The following OVCH2 variants were observed in gnomAD, a reference collection of about 807,000 sequenced individuals.
OVCH2 encodes the protein ovochymase-2.
OVCH2 carries 88 observed loss-of-function variants against 73.7 expected under a neutral mutation model. That is an observed-to-expected ratio of 1.19 (90% CI 1.01 to 1.43). The LOEUF is 1.43. OVCH2 is among the 40% of genes most tolerant of loss of function. The pLI is 0.00. For missense variants in OVCH2, 706 were observed against 674.5 expected (o/e 1.05, Z -0.52); for synonymous variants, 265 against 234.5 (o/e 1.13, Z -1.19).
At chr11:7,686,971 C>T (rs1284223811), downstream of OVCH2, among the ~76,000 whole-genome samples, 1 of 152,092 alleles carries the variant, frequency 6.6e-6, no homozygotes, top group Admixed American at 6.6e-5. Context: ...GCATCTGCTG[C>T]ACTCCTTAGA....
the OVCH2 span, among the ~76,000 whole-genome samples, chr11:7,684,223 G>A: frequency 6.6e-6 from 1 of 152,052 alleles, no homozygotes; most frequent in Non-Finnish European, 1.5e-5. Flanking sequence ...GAAGTTAGAA[G>A]TGGAGGTATG....
At position 7,698,924 on chromosome 11, in the gene OVCH2, G is replaced by A. The variant is rs888395646; in HGVS notation, c.902-151C>T. 6 of 701,522 alleles carry A rather than the reference G, an allele frequency of 8.6e-6. No individual in the cohort carries two copies. In the East Asian group the frequency reaches 8.7e-5, roughly 10 times the overall value. 43.5% of individuals were successfully genotyped at this position (701,522 alleles called of 1,614,324 possible). ...TGTGGAAAGAAGGGAAGGGATAAAT[G>A]GATAAAGTAGGAAAGGGCCTCTGGT... is the stretch of plus-strand genomic sequence containing the variant. On this transcript the variant is annotated intron_variant, in intron 7 of 15. Transcript: ENST00000533663.
rs1565171985 is a variant in OVCH2, at chr11:7,704,658, C to A, written c.105G>T (p.Gln35His). The stretch of plus-strand genomic sequence containing the variant: ...TCCAAGGCTGTACCTTAACCAGACT[C>A]TGCCCACAACTGGGAGCTGAGAAAA... The part of the protein sequence containing the change: ...LSLPKAPSCG[Q>H]SLVKVQPWNY... Residue 35 changes from glutamine to histidine, a missense_variant, in exon 2 of 16, where the codon CAG (glutamine) becomes CAT (histidine). By Grantham distance (24) the Gln-to-His change is conservative (BLOSUM62 0). Coordinates refer to ENST00000533663, the MANE Select transcript of OVCH2 (RefSeq NM_198185.7). 2 of 1,611,536 alleles carry A rather than the reference C, an allele frequency of 1.2e-6. No individual in the cohort carries two copies. Among genetic ancestry groups the A allele is most frequent in the African/African-American group, 2.7e-5 (2 of 74,820 alleles).
chr11:7,702,468 T>C (rs139736315), intron 3 of OVCH2, 139 bp from the exon 4 acceptor site: 13 of 697,876 alleles, frequency 1.9e-5, no homozygotes, highest in African/African-American at 1.8e-4. Context: ...AAAGTGAGAA[T>C]AATTCCAACA....
chr11:7,684,497 T>C (rs12278102), downstream of OVCH2, among the ~76,000 whole-genome samples: 9 of 105,442 alleles, frequency 8.5e-5, no homozygotes, highest in African/African-American at 3.8e-4. Context: ...TACACACACA[T>C]ACATACATAT....
chr11:7,679,465 G>A, the OVCH2 span, among the ~76,000 whole-genome samples: 2 of 152,132 alleles, frequency 1.3e-5, no homozygotes, highest in African/African-American at 4.8e-5. Flanking sequence ...GATTGGATTG[G>A]GGGGCAGTTT....
rs1250427332 is a variant in OVCH2, at chr11:7,703,750, T to G, written c.238A>C (p.Ser80Arg). The change falls in exon 3 of 16, where the codon AGC (serine) becomes CGC (arginine). Residue 80 changes from serine (S) to arginine (R), a missense_variant. Ser to Arg is a moderately radical substitution (Grantham distance 110, BLOSUM62 -1). Coordinates refer to ENST00000533663, the MANE Select transcript of OVCH2 (RefSeq NM_198185.7). ...ATCACCCACTGTGGTGAGACGATGCTTCCTCCACAAATATGCTTCTGCCTT... is the reference window on the plus strand; with the variant it reads ...ATCACCCACTGTGGTGAGACGATGCGTCCTCCACAAATATGCTTCTGCCTT... ...KQRQKHICGG[S>R]IVSPQWVITA... The G allele has an allele frequency of 6.2e-7, 1 of 1,611,000 alleles. No homozygotes were observed. The highest frequency in any genetic ancestry group is 1.1e-5 in the South Asian group (1 of 90,200).
At chr11:7,683,015 C>G in the OVCH2 span, among the ~76,000 whole-genome samples, 8 of 152,348 alleles carry the variant, frequency 5.3e-5, no homozygotes, top group East Asian at 1.3e-3. Flanking sequence ...TCAGTCAATG[C>G]TCCTCATTTC....
chr11:7,695,717 G>C lies in OVCH2; in HGVS notation c.1142-7C>G. ...CTTTCTCCACAAAATTTTCCTGCAGGATGAGAAAAAAGGATTCTTTGTTCA... is the reference window on the plus strand; with the variant it reads ...CTTTCTCCACAAAATTTTCCTGCAGCATGAGAAAAAAGGATTCTTTGTTCA... On this transcript the variant is annotated splice_region_variant and splice_polypyrimidine_tract_variant and intron_variant, in intron 10 of 15. Transcript: ENST00000533663. 2 of 1,589,678 alleles carry C rather than the reference G, an allele frequency of 1.3e-6. No individual in the cohort carries two copies. The highest frequency in any genetic ancestry group is 1.7e-6 in the Non-Finnish European group (2 of 1,174,490).
At chr11:7,702,382 G>C in intron 3 of OVCH2, 53 bp from the exon 4 acceptor site, 1 of 1,367,238 alleles carries the variant, frequency 7.3e-7, no homozygotes. Flanking sequence ...TCTGAGTACA[G>C]TTGCAATGGT....
chr11:7,684,482 A>ATC, downstream of OVCH2, among the ~76,000 whole-genome samples: 1 of 126,860 alleles, frequency 7.9e-6, no homozygotes, highest in African/African-American at 3.7e-5. Context: ...ATATATATAT[A>ATC]TATATACACA....
chr11:7,704,511 T>G, intron 2 of OVCH2, 54 bp downstream of exon 2: 2 of 1,247,676 alleles, frequency 1.6e-6, no homozygotes, highest in Non-Finnish European at 2.3e-6. Context: ...TAAAAATATC[T>G]ATATCCATAA....
At chr11:7,681,853 CAA>C in the OVCH2 span, among the ~76,000 whole-genome samples, 12,394 of 92,922 alleles carry the variant, frequency 0.13, 908 homozygotes, top group African/African-American at 0.26. Flanking sequence ...GGGAAATGTC[CAA>C]AAAAAAAAAA....
intron 12 of OVCH2, among the ~76,000 whole-genome samples, chr11:7,693,007 T>G (rs10839846): frequency 0.2 from 30,706 of 152,106 alleles, 4,780 homozygotes; most frequent in African/African-American, 0.44. Context: ...CTTGTTTTGT[T>G]TCAGGAAAAG....
the OVCH2 span, among the ~76,000 whole-genome samples, chr11:7,682,662 A>G: frequency 3.4e-4 from 52 of 152,326 alleles, no homozygotes; most frequent in African/African-American, 1.2e-3. Context: ...GCTCAAGAAC[A>G]TTGCCCCAGC....
rs994381734 is a variant in OVCH2, at chr11:7,706,404, C to A, written c.-10G>T. On this transcript the variant is annotated 5_prime_UTR_variant, in exon 1 of 16. The change abolishes an upstream ATG in the 5' untranslated region. Coordinates refer to ENST00000533663, the MANE Select transcript of OVCH2 (RefSeq NM_198185.7). ...TCCTGCTTATAAGCATTTTGAGACT[C>A]ATAGTTTTTCCCTGAAATTTTAGAG... 1 of 1,559,438 alleles carries A rather than the reference C, an allele frequency of 6.4e-7. No individual in the cohort carries two copies. Among genetic ancestry groups the A allele is most frequent in the African/African-American group, 1.4e-5 (1 of 73,844 alleles).
At chr11:7,688,968 T>C (rs11822415), downstream of OVCH2, among the ~76,000 whole-genome samples, 313 of 152,348 alleles carry the variant, frequency 2.1e-3, 2 homozygotes, top group African/African-American at 7.3e-3. Flanking sequence ...TTTATTCTGG[T>C]GACTGGAAAT....
chr11:7,681,736 A>G, the OVCH2 span, among the ~76,000 whole-genome samples: 1 of 152,048 alleles, frequency 6.6e-6, no homozygotes, highest in Non-Finnish European at 1.5e-5. Flanking sequence ...AACCAGGAGT[A>G]AGTGAGGCAG....
intron 13 of OVCH2, 41 bp from the exon 14 acceptor site, chr11:7,691,441 C>A: frequency 6.4e-7 from 1 of 1,573,804 alleles, no homozygotes; most frequent in Non-Finnish European, 8.6e-7. Flanking sequence ...GTCAAGCACC[C>A]AGCAGATAGC....
Sources: allele counts gnomAD v4.1 joint callset (sites outside exome capture counted in the v4.1 genomes callset), GRCh38; gene constraint gnomAD v4.1.1; transcripts MANE v1.5; gene names NCBI Gene and HGNC (gene_info 2026-07-23, HGNC 2026-07-21).